Variants in YTHDF2 observed in about 807,000 individuals in gnomAD.
The protein encoded by YTHDF2 is YTH domain-containing family protein 2.
Under a neutral mutation model 50.4 loss-of-function variants are expected in YTHDF2, and 2 were observed. The ratio of observed to expected loss-of-function variants is 0.04; its 90% confidence interval spans 0.02 to 0.12. The LOEUF is 0.12. Ranked by LOEUF, YTHDF2 falls within the 10% of genes least tolerant of loss-of-function variation. The pLI is 1.00. For missense variants in YTHDF2, 483 were observed against 722.6 expected, an observed-to-expected ratio of 0.67 and a Z score of 3.80; for synonymous variants, 217 against 255.6, an observed-to-expected ratio of 0.85 and a Z score of 1.44.
intron 3 of YTHDF2, among the ~76,000 whole-genome samples, chr1:28,741,337 G>C (rs993970728): frequency 6.6e-6 from 1 of 151,506 alleles, no homozygotes; most frequent in African/African-American, 2.4e-5. Flanking sequence ...TGGCTCTGTT[G>C]CCTGGGCTAG....
At chr1:28,738,645 T>C (rs2087731637) in intron 3 of YTHDF2, among the ~76,000 whole-genome samples, 1 of 152,132 alleles carries the variant, frequency 6.6e-6, no homozygotes, top group African/African-American at 2.4e-5. Flanking sequence ...CGGGGTTTCA[T>C]GTTGGCCGGG....
At chr1:28,738,603 C>CA (rs1488245994) in intron 3 of YTHDF2, among the ~76,000 whole-genome samples, 1 of 152,194 alleles carries the variant, frequency 6.6e-6, no homozygotes, top group Non-Finnish European at 1.5e-5. Flanking sequence ...CACCACCGCA[C>CA]ACAGCTAGTT....
In YTHDF2 at chr1:28,751,110, A is replaced by AAAT. The variant is rs1553144757; in HGVS notation, c.1716+7124_1716+7125insAAT. Among the ~76,000 whole-genome samples, 230 of 144,494 alleles carry AAAT rather than the reference A, an allele frequency of 1.6e-3. 5 individuals carry two copies. The highest frequency in any genetic ancestry group is 5.7e-3 in the African/African-American group (222 of 38,840). The allele number at this position is 144,494 out of a possible 152,430, so 94.8% of individuals were successfully genotyped here. On this transcript the variant is annotated intron_variant, in intron 4 of 4. Transcript: ENST00000373812. Reference sequence around the variant, plus strand: ...TGTCTCAAAAAAAAAAAAAAAAAAAAGGCTGGGCGTGGTGGTGCACGCTAG... The same window carrying AAAT: ...TGTCTCAAAAAAAAAAAAAAAAAAAAAATGGCTGGGCGTGGTGGTGCACGCTAG...
chr1:28,762,197 C>G (rs1351513441), intron 4 of YTHDF2, among the ~76,000 whole-genome samples: 2 of 152,142 alleles, frequency 1.3e-5, no homozygotes, highest in East Asian at 3.9e-4. Flanking sequence ...TCGAGACCAT[C>G]CTGGCTAACA....
intron 1 of YTHDF2, 30 bp downstream of exon 1, chr1:28,737,177 TTG>T (rs769194898): frequency 1.6e-5 from 25 of 1,561,778 alleles, no homozygotes; most frequent in African/African-American, 4.2e-5. Context: ...GCCTCGGCCA[TTG>T]TGTGAGGCGA....
intron 4 of YTHDF2, among the ~76,000 whole-genome samples, chr1:28,764,924 C>G (rs2088195082): frequency 6.6e-6 from 1 of 152,002 alleles, no homozygotes; most frequent in Admixed American, 6.6e-5. Context: ...AGTGCAGTGA[C>G]TATTCACAGC....
chr1:28,746,841 G>T (rs2087870358), intron 4 of YTHDF2, among the ~76,000 whole-genome samples: 1 of 152,160 alleles, frequency 6.6e-6, no homozygotes, highest in African/African-American at 2.4e-5. Context: ...CAGCACTTTG[G>T]GAGGCCGAGG....
chr1:28,764,199 C>A (rs534467779), intron 4 of YTHDF2, among the ~76,000 whole-genome samples: 9 of 151,984 alleles, frequency 5.9e-5, no homozygotes, highest in African/African-American at 2.2e-4. Flanking sequence ...GATCCGCCCA[C>A]CTCGGCCTCC....
intron 4 of YTHDF2, 55 bp from the exon 5 acceptor site, chr1:28,768,874 A>G (rs929264962): frequency 4.9e-6 from 7 of 1,423,194 alleles, no homozygotes; most frequent in South Asian, 2.7e-5. Context: ...TTTTAAATTC[A>G]TAAAGCATGT....
At chr1:28,737,937 G>A (rs968224967) in intron 2 of YTHDF2, 1 of 583,280 alleles carries the variant, frequency 1.7e-6, no homozygotes, top group Non-Finnish European at 3.0e-6. Context: ...TTTCCTGTAG[G>A]TCTTAGAAGG....
intron 4 of YTHDF2, among the ~76,000 whole-genome samples, chr1:28,745,435 TAA>T (rs1268283228): frequency 6.6e-6 from 1 of 152,214 alleles, no homozygotes; most frequent in African/African-American, 2.4e-5. Context: ...TAGTTTAACT[TAA>T]AGTCTTCCAT....
intron 4 of YTHDF2, among the ~76,000 whole-genome samples, chr1:28,757,171 G>T (rs945557300): frequency 1.3e-5 from 2 of 152,188 alleles, no homozygotes; most frequent in African/African-American, 4.8e-5. Flanking sequence ...ATTGGGAAAA[G>T]ATATCAAGGA....
At chr1:28,740,231 G>A (rs1375874716) in intron 3 of YTHDF2, 7 of 152,146 alleles carry the variant, frequency 4.6e-5, no homozygotes, top group African/African-American at 1.2e-4. Flanking sequence ...ATTATAACAG[G>A]GAGAGTTGGA....
chr1:28,741,871 A>G (rs1037690055), intron 3 of YTHDF2, among the ~76,000 whole-genome samples: 1 of 152,208 alleles, frequency 6.6e-6, no homozygotes, highest in African/African-American at 2.4e-5. Context: ...CAGGACTTAA[A>G]CAGTTTGTGA....
In YTHDF2 at chr1:28,737,612, C is replaced by G. The variant is rs371716103; in HGVS notation, c.28-46C>G. 9 of 1,613,338 alleles carry G rather than the reference C, an allele frequency of 5.6e-6. No individual in the cohort carries two copies. The East Asian group carries it at 1.3e-4, about 24-fold the overall frequency. ...TTAATTTGTTCTTCCTTTTCCATTT[C>G]TCCTTTGGACAACTTGCTGCTCGGC... On this transcript the variant is annotated intron_variant, in intron 1 of 4. Coordinates refer to ENST00000373812, the MANE Select transcript of YTHDF2 (RefSeq NM_016258.3).
chr1:28,744,582 TTGCTC>T (rs1164404119), intron 4 of YTHDF2, among the ~76,000 whole-genome samples: 2 of 152,210 alleles, frequency 1.3e-5, no homozygotes, highest in Non-Finnish European at 2.9e-5. Flanking sequence ...TTGGTAGCGT[TTGCTC>T]TGTGAGTATT....
At chr1:28,738,381 A>G (rs762962199) in intron 3 of YTHDF2, 43 bp downstream of exon 3, 13 of 1,463,602 alleles carry the variant, frequency 8.9e-6, no homozygotes, top group African/African-American at 2.8e-5. Flanking sequence ...AGGGTGTGGT[A>G]TATTCTTTCT....
intron 4 of YTHDF2, among the ~76,000 whole-genome samples, chr1:28,761,131 ATTTTTTTT>A (rs56876999): frequency 5.5e-5 from 5 of 91,444 alleles, no homozygotes; most frequent in Non-Finnish European, 1.0e-4. Flanking sequence ...GTGTGTGTGT[ATTTTTTTT>A]TTTTTTTTTT....
At chr1:28,755,152 G>C (rs1387322183) in intron 4 of YTHDF2, among the ~76,000 whole-genome samples, 1 of 151,888 alleles carries the variant, frequency 6.6e-6, no homozygotes, top group African/African-American at 2.4e-5. Flanking sequence ...GATGAGAGGA[G>C]CAGCAGTTTA....
Sources: allele counts gnomAD v4.1 joint callset (sites outside exome capture counted in the v4.1 genomes callset), GRCh38; gene constraint gnomAD v4.1.1; transcripts MANE v1.5; gene names NCBI Gene and HGNC (gene_info 2026-07-23, HGNC 2026-07-21).